The following CDK14 variants were observed in gnomAD, a reference collection of about 807,000 sequenced individuals.
The protein encoded by CDK14 is cyclin-dependent kinase 14.
CDK14 carries 34 observed loss-of-function variants against 60.7 expected under a neutral mutation model. The observed-to-expected ratio is 0.56, with a 90% confidence interval of 0.43 to 0.75. The LOEUF (loss-of-function observed/expected upper bound fraction) is 0.75. Ranked by LOEUF, CDK14 falls within the 30% of genes least tolerant of loss-of-function variation. CDK14 has a pLI of 0.00. For synonymous variants in CDK14, 197 were observed against 203.7 expected, an observed-to-expected ratio of 0.97 and a Z score of 0.28; for missense variants, 482 against 564.1, an observed-to-expected ratio of 0.85 and a Z score of 1.47.
At chr7:90,980,266 T>G (rs915439979) in intron 9 of CDK14, among the ~76,000 whole-genome samples, 5 of 152,184 alleles carry the variant, frequency 3.3e-5, no homozygotes, top group African/African-American at 1.2e-4. Flanking sequence ...CACCTTTGAT[T>G]GTAAGCTTTT....
At chr7:91,028,926 A>G (rs1386631106) in intron 10 of CDK14, among the ~76,000 whole-genome samples, 1 of 151,992 alleles carries the variant, frequency 6.6e-6, no homozygotes, top group Non-Finnish European at 1.5e-5. Flanking sequence ...TATTAATATT[A>G]TTATTGTTGC....
intron 4 of CDK14, among the ~76,000 whole-genome samples, chr7:90,773,865 TC>T (rs1804892255): frequency 8.7e-6 from 1 of 115,552 alleles, no homozygotes; most frequent in African/African-American, 3.2e-5. Flanking sequence ...TCCTCTCCTC[TC>T]CTCTCCTCTC....
chr7:90,785,444 A>C (rs577013216), intron 4 of CDK14, among the ~76,000 whole-genome samples: 2 of 152,242 alleles, frequency 1.3e-5, no homozygotes, highest in African/African-American at 4.8e-5. Flanking sequence ...CTAAGTGGGG[A>C]GTTTTCCTTT....
chr7:90,621,614 TTCCTTCC>T (rs1315543593), intron 2 of CDK14, among the ~76,000 whole-genome samples: 3 of 66,894 alleles, frequency 4.5e-5, no homozygotes, highest in African/African-American at 9.8e-5. Context: ...CAGACTTTTT[TTCCTTCC>T]TTCCTTCCTT....
chr7:90,887,547 A>G (rs1190474559), intron 6 of CDK14, among the ~76,000 whole-genome samples: 1 of 152,212 alleles, frequency 6.6e-6, no homozygotes, highest in Non-Finnish European at 1.5e-5. Context: ...TCTATTCGTA[A>G]CATAAATTTA....
At chr7:90,880,826 G>A (rs1450356233) in intron 6 of CDK14, among the ~76,000 whole-genome samples, 1 of 152,118 alleles carries the variant, frequency 6.6e-6, no homozygotes, top group African/African-American at 2.4e-5. Context: ...CTAGCAAACT[G>A]TGGCAGCCCT....
intron 2 of CDK14, among the ~76,000 whole-genome samples, chr7:90,665,458 C>T (rs1258234725): frequency 6.6e-6 from 1 of 152,088 alleles, no homozygotes; most frequent in Non-Finnish European, 1.5e-5. Flanking sequence ...GGAAAATATG[C>T]AATGGATAGC....
intron 2 of CDK14, among the ~76,000 whole-genome samples, chr7:90,627,304 A>AGCTT (rs1168874725): frequency 6.6e-6 from 1 of 151,812 alleles, no homozygotes; most frequent in African/African-American, 2.4e-5. Flanking sequence ...CACCCTCCCA[A>AGCTT]GCTCAAGTGA....
chr7:90,982,785 G>A (rs1795265650), intron 9 of CDK14, among the ~76,000 whole-genome samples: 1 of 151,982 alleles, frequency 6.6e-6, no homozygotes, highest in South Asian at 2.1e-4. Context: ...ATGGGGGCAG[G>A]GGGAGTGGGT....
At chr7:90,707,286 T>C (rs1801919143) in intron 2 of CDK14, among the ~76,000 whole-genome samples, 1 of 152,158 alleles carries the variant, frequency 6.6e-6, no homozygotes, top group South Asian at 2.1e-4. Context: ...GAGAATTCAG[T>C]ATAGATTTTC....
At chr7:90,883,457 A>G (rs904718881) in intron 6 of CDK14, among the ~76,000 whole-genome samples, 3 of 151,112 alleles carry the variant, frequency 2.0e-5, no homozygotes, top group Non-Finnish European at 3.0e-5. Flanking sequence ...CAGTAAACAA[A>G]CAAACAAAAG....
intron 6 of CDK14, among the ~76,000 whole-genome samples, chr7:90,885,620 G>T (rs1791918221): frequency 6.6e-6 from 1 of 152,200 alleles, no homozygotes; most frequent in South Asian, 2.1e-4. Flanking sequence ...GTACACATAT[G>T]TTTATTGCAG....
Position 90,604,217 on chromosome 7 carries a change from G to T in CDK14, c.92-1G>T. The T allele has an allele frequency of 6.5e-7, 1 of 1,531,020 alleles. No individual in the cohort carries two copies. The highest frequency in any genetic ancestry group is 8.9e-7 in the Non-Finnish European group (1 of 1,129,648). 94.8% of individuals were successfully genotyped at this position (1,531,020 alleles called of 1,614,324 possible). A position where few individuals can be genotyped will look rare whatever the true frequency, so the allele number is the denominator to read the frequency against. ...GTTTCCTTTTCCTTCTTATTTTATA[G>T]CTTTGAAGAAAGATGACACCACCTT... On this transcript the variant is annotated splice_acceptor_variant, in intron 1 of 14. Transcript: ENST00000380050. LOFTEE classifies it high-confidence loss of function.
At chr7:90,901,864 T>C (rs1792517531) in intron 7 of CDK14, among the ~76,000 whole-genome samples, 1 of 151,810 alleles carries the variant, frequency 6.6e-6, no homozygotes, top group South Asian at 2.1e-4. Context: ...TATAGAAAAA[T>C]CTAAAGACTC....
chr7:90,632,816 C>T (rs543291762), intron 2 of CDK14, among the ~76,000 whole-genome samples: 24 of 152,194 alleles, frequency 1.6e-4, no homozygotes, highest in African/African-American at 5.1e-4. Context: ...AGGCTGGGCA[C>T]GGTGGCTCAC....
At chr7:90,700,199 T>C (rs1261318742) in intron 2 of CDK14, among the ~76,000 whole-genome samples, 2 of 152,194 alleles carry the variant, frequency 1.3e-5, no homozygotes, top group Non-Finnish European at 2.9e-5. Flanking sequence ...GTTCAAGTGA[T>C]TCTCCTGCCT....
intron 14 of CDK14, among the ~76,000 whole-genome samples, chr7:91,152,394 G>A (rs1051122997): frequency 1.3e-5 from 2 of 152,074 alleles, no homozygotes; most frequent in African/African-American, 4.8e-5. Flanking sequence ...TTAGCTATCT[G>A]GCAAAGCTAA....
chr7:90,733,497 G>A (rs916498314), intron 3 of CDK14, among the ~76,000 whole-genome samples: 1 of 152,184 alleles, frequency 6.6e-6, no homozygotes, highest in African/African-American at 2.4e-5. Context: ...ATGAATCAGG[G>A]TGCTCCTGTA....
intron 2 of CDK14, among the ~76,000 whole-genome samples, chr7:90,647,939 C>T (rs1800507112): frequency 6.6e-6 from 1 of 152,146 alleles, no homozygotes; most frequent in South Asian, 2.1e-4. Context: ...AGGAGCAATG[C>T]ATGTTTACTG....
Sources: allele counts gnomAD v4.1 joint callset (sites outside exome capture counted in the v4.1 genomes callset), GRCh38; gene constraint gnomAD v4.1.1; transcripts MANE v1.5; gene names NCBI Gene and HGNC (gene_info 2026-07-23, HGNC 2026-07-21).